CSMD1: variants seen among roughly 807,000 people sequenced by gnomAD.
The protein encoded by CSMD1 is CUB and sushi domain-containing protein 1.
In CSMD1, 213 loss-of-function variants were observed where a neutral mutation model predicts 417.5. That is an observed-to-expected ratio of 0.51 (90% confidence interval 0.46 to 0.57). CSMD1 has a LOEUF of 0.57. Among genes scored for constraint, CSMD1 ranks in the 20% least tolerant of loss-of-function variants. The pLI is 0.00. For synonymous variants in CSMD1, 2,862 were observed against 1,736.8 expected, an observed-to-expected ratio of 1.65 and a Z score of -16.11; for missense variants, 6,923 against 4,529.7, an observed-to-expected ratio of 1.53 and a Z score of -15.17.
At chr8:2,991,187 G>C (rs601027) in intron 54 of CSMD1, among the ~76,000 whole-genome samples, 14,768 of 152,132 alleles carry the variant, frequency 0.097, 1,827 homozygotes, top group African/African-American at 0.29. Flanking sequence ...ACTTTATGTA[G>C]AAACTACATT....
rs532075754 is a variant in CSMD1, at chr8:3,524,277, A to C, written c.1345-30551T>G. 3.3e-5 allele frequency among the ~76,000 whole-genome samples: 5 copies of C among 151,630 alleles called. No individual in the cohort carries two copies. In the East Asian group the frequency reaches 7.8e-4, roughly 24 times the overall value. ...CATACACACAAGCACACACACACGC[A>C]CATATACATGCACACACACGTACAC... On this transcript the variant is annotated intron_variant, in intron 10 of 69. Transcript: ENST00000635120.
intron 41 of CSMD1, among the ~76,000 whole-genome samples, chr8:3,134,209 G>C (rs1235868982): frequency 6.6e-6 from 1 of 152,020 alleles, no homozygotes; most frequent in African/African-American, 2.4e-5. Context: ...AAAAACAAAA[G>C]AAAGAAAAGA....
intron 23 of CSMD1, among the ~76,000 whole-genome samples, chr8:3,316,872 A>G (rs1177258794): frequency 2.0e-5 from 3 of 152,166 alleles, no homozygotes; most frequent in African/African-American, 7.2e-5. Flanking sequence ...AATCAGAAGC[A>G]ATGTGCAATA....
chr8:4,739,983 G>A (rs567327988), intron 1 of CSMD1, among the ~76,000 whole-genome samples: 4 of 152,158 alleles, frequency 2.6e-5, no homozygotes, highest in South Asian at 2.1e-4. Context: ...CTGGCCAGCC[G>A]CCTGCCCAGG....
chr8:4,776,457 T>C (rs190683395), intron 1 of CSMD1, among the ~76,000 whole-genome samples: 1 of 152,148 alleles, frequency 6.6e-6, no homozygotes, highest in Non-Finnish European at 1.5e-5. Flanking sequence ...TAGGCAGCAC[T>C]CGGGCTCAGA....
At chr8:4,432,244 A>G (rs1418395087) in intron 2 of CSMD1, among the ~76,000 whole-genome samples, 1 of 152,210 alleles carries the variant, frequency 6.6e-6, no homozygotes, top group Non-Finnish European at 1.5e-5. Context: ...AGAAAACAGT[A>G]AACTCACACA....
intron 1 of CSMD1, among the ~76,000 whole-genome samples, chr8:4,647,689 G>C (rs896745725): frequency 3.9e-5 from 6 of 152,112 alleles, no homozygotes; most frequent in African/African-American, 1.4e-4. Context: ...TCTTGTGTTG[G>C]TTTGCTGAGG....
At chr8:4,250,747 A>T (rs1283372881) in intron 3 of CSMD1, among the ~76,000 whole-genome samples, 3 of 152,160 alleles carry the variant, frequency 2.0e-5, no homozygotes, top group Non-Finnish European at 4.4e-5. Flanking sequence ...GCAAAGAAAA[A>T]CTGTAAATAT....
chr8:3,028,067 C>T (rs1439242867), intron 51 of CSMD1, among the ~76,000 whole-genome samples: 3 of 152,208 alleles, frequency 2.0e-5, no homozygotes, highest in Admixed American at 6.5e-5. Context: ...CCTGGGAAAT[C>T]AGAGAGACAA....
intron 26 of CSMD1, among the ~76,000 whole-genome samples, chr8:3,268,886 T>G (rs1318146748): frequency 6.6e-6 from 1 of 152,154 alleles, no homozygotes; most frequent in African/African-American, 2.4e-5. Context: ...GCTGGATTCA[T>G]ATTAGCAGAA....
intron 2 of CSMD1, among the ~76,000 whole-genome samples, chr8:4,596,706 A>T (rs1800298424): frequency 6.6e-6 from 1 of 152,224 alleles, no homozygotes; most frequent in Non-Finnish European, 1.5e-5. Flanking sequence ...ATTCAAAAAC[A>T]GTTCATTTTG....
intron 2 of CSMD1, among the ~76,000 whole-genome samples, chr8:4,471,588 T>C (rs1048185840): frequency 6.6e-6 from 1 of 151,610 alleles, no homozygotes; most frequent in Non-Finnish European, 1.5e-5. Context: ...TAGAGAGAGG[T>C]GCAGGGAGAA....
chr8:3,743,559 T>C (rs1006951925), intron 6 of CSMD1, among the ~76,000 whole-genome samples: 1 of 152,126 alleles, frequency 6.6e-6, no homozygotes, highest in Non-Finnish European at 1.5e-5. Context: ...AAATTAAATC[T>C]TGGGACCTCA....
intron 5 of CSMD1, among the ~76,000 whole-genome samples, chr8:3,905,661 G>A (rs1584942926): frequency 6.6e-6 from 1 of 152,112 alleles, no homozygotes; most frequent in African/African-American, 2.4e-5. Flanking sequence ...TGCTCATACT[G>A]CCAGTCCAGG....
At position 3,978,039 on chromosome 8, in the gene CSMD1, T is replaced by C. The variant is rs562411143; in HGVS notation, c.818+19864A>G. Among the ~76,000 whole-genome samples the C allele has an allele frequency of 2.4e-3, 367 of 152,268 alleles. 1 individual carries two copies. The highest frequency in any genetic ancestry group is 8.6e-3 in the African/African-American group (356 of 41,564). ...GATGGACACTTGCTTGTCCATCTCATAGCTTCCTCAAAAAGCACGTTGTAC... is the reference window on the plus strand; with the variant it reads ...GATGGACACTTGCTTGTCCATCTCACAGCTTCCTCAAAAAGCACGTTGTAC... On this transcript the variant is annotated intron_variant, in intron 5 of 69. Coordinates refer to ENST00000635120, the MANE Select transcript of CSMD1 (RefSeq NM_033225.6).
At chr8:3,034,416 G>A (rs778581833) in intron 50 of CSMD1, among the ~76,000 whole-genome samples, 1 of 152,258 alleles carries the variant, frequency 6.6e-6, no homozygotes, top group South Asian at 2.1e-4. Flanking sequence ...TGAAAGCTGA[G>A]AGGACTTTAT....
intron 68 of CSMD1, among the ~76,000 whole-genome samples, chr8:2,943,384 T>C (rs1356775584): frequency 6.6e-6 from 1 of 152,108 alleles, no homozygotes; most frequent in Non-Finnish European, 1.5e-5. Context: ...CCTGCCGCCA[T>C]GCCTGGCTAT....
intron 6 of CSMD1, among the ~76,000 whole-genome samples, chr8:3,711,020 G>A (rs572062570): frequency 4.6e-5 from 7 of 152,190 alleles, no homozygotes; most frequent in African/African-American, 7.2e-5. Context: ...TATCAAGAGC[G>A]GTGAGAAACA....
chr8:3,439,309 A>ATATATT lies in CSMD1; in HGVS notation c.1561+29402_1561+29403insAATATA. Among the ~76,000 whole-genome samples, 455 of 62,378 alleles carry ATATATT rather than the reference A, an allele frequency of 7.3e-3. 11 individuals are homozygous for ATATATT. Among genetic ancestry groups the ATATATT allele is most frequent in the African/African-American group, 0.016 (240 of 15,008 alleles). The allele number at this position is 62,378 out of a possible 152,430, so 40.9% of individuals were successfully genotyped here. On this transcript the variant is annotated intron_variant, in intron 12 of 69. Coordinates refer to ENST00000635120, the MANE Select transcript of CSMD1 (RefSeq NM_033225.6). ...TATATATATATATATATATATATAT[A>ATATATT]TTTTTTTTTTTAATATGTATTTTTA...
Sources: gnomAD v4.1 joint callset for allele counts (sites outside exome capture counted in the v4.1 genomes callset) on GRCh38, gnomAD v4.1.1 for gene constraint, MANE v1.5 for transcripts, NCBI Gene and HGNC (gene_info 2026-07-23, HGNC 2026-07-21) for gene names.